Variants in BTAF1 observed in about 807,000 individuals in gnomAD.
BTAF1 encodes TATA-binding protein-associated factor 172.
In BTAF1, 38 loss-of-function variants were observed where a neutral mutation model predicts 227.1. The observed-to-expected ratio is 0.17, with a 90% CI of 0.13 to 0.22. The LOEUF is 0.22. Among genes scored for constraint, BTAF1 ranks in the 10% least tolerant of loss-of-function variants. BTAF1 has a pLI of 1.00. For synonymous variants in BTAF1, 742 were observed against 751.9 expected, an observed-to-expected ratio of 0.99 and a Z score of 0.21; for missense variants, 1,598 against 2,204.0, an observed-to-expected ratio of 0.73 and a Z score of 5.51.
intron 5 of BTAF1, among the ~76,000 whole-genome samples, chr10:91,951,769 A>G (rs1845778309): frequency 6.6e-6 from 1 of 152,126 alleles, no homozygotes; most frequent in African/African-American, 2.4e-5. Flanking sequence ...CCTCCCAGAC[A>G]CTGGACTGTT....
At chr10:91,963,095 A>T (rs1440632135) in intron 12 of BTAF1, among the ~76,000 whole-genome samples, 1 of 151,824 alleles carries the variant, frequency 6.6e-6, no homozygotes, top group East Asian at 1.9e-4. Flanking sequence ...AGTGCTGTGT[A>T]ATCTATATAT....
chr10:91,928,048 A>G (rs1014345024), intron 1 of BTAF1, among the ~76,000 whole-genome samples: 7 of 135,042 alleles, frequency 5.2e-5, no homozygotes, highest in Non-Finnish European at 1.1e-4. Flanking sequence ...GCCATTTTCT[A>G]ATTTTAACAA....
At chr10:91,962,117 G>A (rs1846566160) in intron 11 of BTAF1, among the ~76,000 whole-genome samples, 1 of 152,142 alleles carries the variant, frequency 6.6e-6, no homozygotes, top group Admixed American at 6.5e-5. Flanking sequence ...TCATAATGAT[G>A]TTTCAGTCAA....
rs550878493 is a variant in BTAF1 at position 91,932,978 on chromosome 10, C to T, written c.15-2679C>T. ...CAGTTCCCAGTCTCACACATGGGGCCATTATATCTGCACAGCTGCCTGCTG... is the reference window on the plus strand; with the variant it reads ...CAGTTCCCAGTCTCACACATGGGGCTATTATATCTGCACAGCTGCCTGCTG... On this transcript the variant is annotated intron_variant, in intron 1 of 37. Transcript: ENST00000265990. 2.0e-5 allele frequency among the ~76,000 whole-genome samples: 3 copies of T among 152,270 alleles called. No homozygotes were observed. In the South Asian group the frequency reaches 6.2e-4, roughly 32 times the overall value.
intron 14 of BTAF1, among the ~76,000 whole-genome samples, chr10:91,975,825 C>T (rs1282863776): frequency 6.6e-6 from 1 of 152,170 alleles, no homozygotes; most frequent in Non-Finnish European, 1.5e-5. Flanking sequence ...GCCAAATCTG[C>T]CAGTTAGGGA....
rs1415508767 is a variant in BTAF1, at chr10:92,010,940, G to C, written c.4104-133G>C. 4.5e-5 allele frequency: 31 copies of C among 695,970 alleles called. No individual in the cohort carries two copies. In the Admixed American group the frequency reaches 4.5e-4, roughly 10 times the overall value. 43.1% of individuals were successfully genotyped at this position (695,970 alleles called of 1,614,324 possible). A position where few individuals can be genotyped will look rare whatever the true frequency, so the allele number is the denominator to read the frequency against. ...AGATCATCAGAAGAGTAGCCCTTCAGGGTCATGTATGTAGAGTAAGCAGAA... is the reference window on the plus strand; with the variant it reads ...AGATCATCAGAAGAGTAGCCCTTCACGGTCATGTATGTAGAGTAAGCAGAA... On this transcript the variant is annotated intron_variant, in intron 28 of 37. Coordinates refer to ENST00000265990, the MANE Select transcript of BTAF1 (RefSeq NM_003972.3).
intron 37 of BTAF1, among the ~76,000 whole-genome samples, chr10:92,028,586 A>T (rs1305623962): frequency 6.6e-6 from 1 of 152,164 alleles, no homozygotes; most frequent in Non-Finnish European, 1.5e-5. Context: ...TTATGTTCTT[A>T]TAATTCTTCC....
At chr10:92,018,681 C>T (rs1850907685) in intron 33 of BTAF1, 102 bp from the exon 34 acceptor site, 1 of 1,046,054 alleles carries the variant, frequency 9.6e-7, no homozygotes, top group Non-Finnish European at 1.3e-6. Flanking sequence ...GGGAGAAAGG[C>T]ATTCTAAACA....
At chr10:91,984,141 T>C in intron 18 of BTAF1, 60 bp from the exon 19 acceptor site, 1 of 1,456,196 alleles carries the variant, frequency 6.9e-7, no homozygotes, top group Non-Finnish European at 9.5e-7. Context: ...AATGACGATT[T>C]CTGTATCTAT....
At chr10:91,996,075 T>A (rs1248093127) in intron 23 of BTAF1, among the ~76,000 whole-genome samples, 1 of 152,344 alleles carries the variant, frequency 6.6e-6, no homozygotes, top group East Asian at 1.9e-4. Flanking sequence ...TTTTGGTTTG[T>A]TTCCTGTTAA....
chr10:91,999,157 ATACTT>A (rs546189287), intron 25 of BTAF1, among the ~76,000 whole-genome samples: 26 of 152,092 alleles, frequency 1.7e-4, no homozygotes, highest in Non-Finnish European at 2.6e-4. Context: ...TTTTGAGTAA[ATACTT>A]AAGAATGAAA....
chr10:91,981,870 G>C (rs905932190), intron 16 of BTAF1, 78 bp downstream of exon 16: 2 of 1,464,678 alleles, frequency 1.4e-6, no homozygotes, highest in African/African-American at 2.8e-5. Flanking sequence ...TTAAAAATCT[G>C]TATTGCCTTA....
chr10:91,946,941 A>C (rs1355417157), intron 4 of BTAF1, among the ~76,000 whole-genome samples: 1 of 151,630 alleles, frequency 6.6e-6, no homozygotes, highest in East Asian at 1.9e-4. Flanking sequence ...CTGAGTTCAA[A>C]TGATTCTCCT....
Position 92,009,161 on chromosome 10 carries a change from A to G in BTAF1, c.4056A>G (p.Glu1352=), listed in dbSNP as rs1457469627. Residue 1352 remains glutamate, a synonymous_variant, in exon 28 of 38, where the codon GAA becomes GAG. Transcript: ENST00000265990. The stretch of plus-strand genomic sequence containing the variant: ...AAGTAGGTAAATTTTGCTCTAGAGA[A>G]TATCTCAACCCGTTGCATTACACTG... ...VDEVGKFCSR[E]YLNPLHYTGP... is the part of the protein sequence containing the mutation. 1.2e-6 allele frequency: 2 copies of G among 1,614,140 alleles called. No homozygotes were observed. The highest frequency in any genetic ancestry group is 1.7e-6 in the Non-Finnish European group (2 of 1,180,000).
chr10:91,928,039 C>T (rs1436722268), intron 1 of BTAF1, among the ~76,000 whole-genome samples: 1 of 141,082 alleles, frequency 7.1e-6, no homozygotes, highest in Non-Finnish European at 1.5e-5. Context: ...TTAATATTGG[C>T]CATTTTCTAA....
chr10:91,986,663 A>G (rs11819184), intron 19 of BTAF1, among the ~76,000 whole-genome samples: 21,189 of 151,900 alleles, frequency 0.14, 1,605 homozygotes, highest in Middle Eastern at 0.2. Context: ...CTGGAATTAA[A>G]TCTCAAATTT....
At chr10:91,996,659 A>C in intron 24 of BTAF1, 89 bp downstream of exon 24, 1 of 1,271,458 alleles carries the variant, frequency 7.9e-7, no homozygotes, top group South Asian at 1.4e-5. Flanking sequence ...TCTAATATGC[A>C]CATAAATAAC....
intron 25 of BTAF1, among the ~76,000 whole-genome samples, chr10:92,001,194 G>A (rs1849502593): frequency 6.6e-6 from 1 of 152,226 alleles, no homozygotes; most frequent in African/African-American, 2.4e-5. Flanking sequence ...GAGCCCAGTA[G>A]TCTTGCTGAG....
chr10:92,013,842 G>A, intron 31 of BTAF1, 34 bp downstream of exon 31: 1 of 1,613,260 alleles, frequency 6.2e-7, no homozygotes, highest in Non-Finnish European at 8.5e-7. Context: ...CCCTGTGTAA[G>A]TGAATATAAT....
Sources: allele counts gnomAD v4.1 joint callset (sites outside exome capture counted in the v4.1 genomes callset), GRCh38; gene constraint gnomAD v4.1.1; transcripts MANE v1.5; gene names NCBI Gene and HGNC (gene_info 2026-07-23, HGNC 2026-07-21).